Variants in MPRIP observed in about 807,000 individuals in gnomAD.
MPRIP encodes the protein myosin phosphatase Rho interacting protein.
Under a neutral mutation model 234.9 loss-of-function variants are expected in MPRIP, and 59 were observed. That is an observed-to-expected ratio of 0.25 (90% CI 0.20 to 0.31). The LOEUF (loss-of-function observed/expected upper bound fraction) is 0.31. Ranked by LOEUF, MPRIP falls within the 10% of genes least tolerant of loss-of-function variation. The probability of loss-of-function intolerance (pLI) is 1.00; values close to 1 mark genes in which losing one functional copy is unlikely to be tolerated. For missense variants in MPRIP, 2,436 were observed against 3,071.0 expected, an observed-to-expected ratio of 0.79 and a Z score of 4.89; for synonymous variants, 1,144 against 1,263.9, an observed-to-expected ratio of 0.91 and a Z score of 2.01.
intron 3 of MPRIP, among the ~76,000 whole-genome samples, chr17:17,117,903 G>A (rs1213112175): frequency 6.6e-6 from 1 of 152,240 alleles, no homozygotes; most frequent in Non-Finnish European, 1.5e-5. Flanking sequence ...GAGCTAGTGA[G>A]TGCAGAGCTA....
intron 3 of MPRIP, among the ~76,000 whole-genome samples, chr17:17,091,423 A>C (rs1279337713): frequency 6.6e-6 from 1 of 152,168 alleles, no homozygotes; most frequent in Non-Finnish European, 1.5e-5. Flanking sequence ...TCCGTGCAGC[A>C]TCCCTCCCTG....
At chr17:17,177,791 C>T (rs1597519617) in intron 22 of MPRIP, among the ~76,000 whole-genome samples, 1 of 152,118 alleles carries the variant, frequency 6.6e-6, no homozygotes, top group African/African-American at 2.4e-5. Context: ...GGAGGGAGCT[C>T]CCTGCTTTCT....
Position 17,084,288 on chromosome 17 carries a change from G to A in MPRIP, c.267+6212G>A, listed in dbSNP as rs536173414. Among the ~76,000 whole-genome samples, 14 of 152,368 alleles carry A rather than the reference G, an allele frequency of 9.2e-5. No homozygotes were observed. The South Asian group carries it at 2.5e-3, about 27-fold the overall frequency. On this transcript the variant is annotated intron_variant, in intron 3 of 23. Coordinates refer to ENST00000651222, the MANE Select transcript of MPRIP (RefSeq NM_001364716.4). ...CAGACTAAATCCCTAGCAGAACCAT[G>A]ATGTGTAGGCTCTTAAAGGCGGTGG...
In MPRIP at chr17:17,153,911, G is replaced by A. The variant is rs528235581; in HGVS notation, c.1720-395G>A. 2.6e-4 allele frequency among the ~76,000 whole-genome samples: 40 copies of A among 152,130 alleles called. No individual in the cohort carries two copies. In the East Asian group the frequency reaches 4.1e-3, roughly 16 times the overall value. ...CCACGCCCAACACACACGCCCTTCC[G>A]GATTCCCCACCTCCACCACTGCTCA... is the stretch of plus-strand genomic sequence containing the variant. On this transcript the variant is annotated intron_variant, in intron 12 of 23. Coordinates refer to ENST00000651222, the MANE Select transcript of MPRIP (RefSeq NM_001364716.4).
intron 12 of MPRIP, among the ~76,000 whole-genome samples, chr17:17,150,556 A>G (rs1005483678): frequency 6.6e-6 from 1 of 152,172 alleles, no homozygotes; most frequent in African/African-American, 2.4e-5. Context: ...GGTATGGGGA[A>G]TAAGAATGAA....
intron 23 of MPRIP, among the ~76,000 whole-genome samples, chr17:17,184,378 T>C (rs1177589518): frequency 6.6e-6 from 1 of 152,232 alleles, no homozygotes; most frequent in Non-Finnish European, 1.5e-5. Flanking sequence ...CCCATCCTGC[T>C]GGGGATTCCC....
intron 2 of MPRIP, among the ~76,000 whole-genome samples, chr17:17,076,715 A>G (rs1158200379): frequency 6.6e-6 from 1 of 152,120 alleles, no homozygotes; most frequent in Non-Finnish European, 1.5e-5. Flanking sequence ...TGCCACCCAG[A>G]CAGGAGAACT....
chr17:17,167,999 A>G lies in MPRIP; in HGVS notation c.6324+84A>G. On this transcript the variant is annotated intron_variant, in intron 16 of 23. Transcript: ENST00000651222. The surrounding 1 kb of genome is among the most constrained non-coding windows in gnomAD (Gnocchi z 5.9). ...GGGACGTCTGGCTCAGCTACCGTGC[A>G]GGCAGAATTGAGGGGATATGCTGCT... 5 of 1,096,622 alleles carry G rather than the reference A, an allele frequency of 4.6e-6. 1 individual carries two copies. Among genetic ancestry groups the G allele is most frequent in the South Asian group, 4.4e-5 (3 of 68,500 alleles). 67.9% of individuals were successfully genotyped at this position (1,096,622 alleles called of 1,614,324 possible). A position where few individuals can be genotyped will look rare whatever the true frequency, so the allele number is the denominator to read the frequency against.
chr17:17,168,345 C>A (rs754057527), intron 16 of MPRIP: 3 of 240,116 alleles, frequency 1.2e-5, no homozygotes, highest in Non-Finnish European at 2.5e-5. Context: ...CTCACAGCAA[C>A]ACCCCGGAGA....
At chr17:17,047,742 G>T (rs1193775722) in intron 1 of MPRIP, among the ~76,000 whole-genome samples, 2 of 152,134 alleles carry the variant, frequency 1.3e-5, no homozygotes, top group Non-Finnish European at 2.9e-5. Flanking sequence ...AGTAAACTTG[G>T]GGGATGGGGA....
At chr17:17,060,841 A>G (rs1042031071) in intron 1 of MPRIP, among the ~76,000 whole-genome samples, 4 of 152,186 alleles carry the variant, frequency 2.6e-5, no homozygotes, top group African/African-American at 9.7e-5. Flanking sequence ...TGAGGAAGGT[A>G]GTTTGGGTCC....
Position 17,148,330 on chromosome 17 carries a change from G to A in MPRIP, c.1629+943G>A, listed in dbSNP as rs139676142. ...CCTGAGGCCCTTTCAGGAGAGCAGT[G>A]GTGGTTAAAATAATTTGTAATATTA... On this transcript the variant is annotated intron_variant, in intron 11 of 23. Transcript: ENST00000651222. Among the ~76,000 whole-genome samples, 737 of 152,214 alleles carry A rather than the reference G, an allele frequency of 4.8e-3. 6 individuals are homozygous for A. The highest frequency in any genetic ancestry group is 0.017 in the African/African-American group (698 of 41,526).
At chr17:17,068,569 T>C (rs2089113247) in intron 1 of MPRIP, among the ~76,000 whole-genome samples, 1 of 151,988 alleles carries the variant, frequency 6.6e-6, no homozygotes, top group South Asian at 2.1e-4. Context: ...CTCACTCTGT[T>C]GCCCATGCTG....
chr17:17,112,418 C>T (rs1389834791), intron 3 of MPRIP, among the ~76,000 whole-genome samples: 1 of 152,248 alleles, frequency 6.6e-6, no homozygotes, highest in African/African-American at 2.4e-5. Context: ...CTGTGGCAGG[C>T]ACCATGTCTT....
At chr17:17,142,490 G>A (rs1233210794) in intron 7 of MPRIP, 137 bp from the exon 8 acceptor site, 15 of 984,522 alleles carry the variant, frequency 1.5e-5, no homozygotes, top group African/African-American at 8.1e-5. Context: ...AGCTGAGCAC[G>A]TGTCTAGACA....
At chr17:17,149,571 TAGAG>T (rs1467540946) in intron 11 of MPRIP, among the ~76,000 whole-genome samples, 2 of 151,976 alleles carry the variant, frequency 1.3e-5, no homozygotes, top group African/African-American at 2.4e-5. Flanking sequence ...AGACAGATGT[TAGAG>T]AGATTTGCAA....
intron 3 of MPRIP, among the ~76,000 whole-genome samples, chr17:17,079,989 G>A (rs915069694): frequency 3.9e-5 from 6 of 152,240 alleles, no homozygotes; most frequent in African/African-American, 1.4e-4. Flanking sequence ...GCAGAGGTGG[G>A]ACTGTGCCAG....
Position 17,176,796 on chromosome 17 carries a change from G to A in MPRIP, c.6957+284G>A, listed in dbSNP as rs186654112. On this transcript the variant is annotated intron_variant, in intron 21 of 23. Transcript: ENST00000651222. ...TCCAGAGAAAAGGCCTGTGAAGTGA[G>A]GCAAGGCTTGACTTCCATTTGAGCC... Among the ~76,000 whole-genome samples the A allele has an allele frequency of 1.3e-3, 193 of 152,352 alleles. 1 individual carries two copies. Among genetic ancestry groups the A allele is most frequent in the African/African-American group, 4.4e-3 (184 of 41,588 alleles).
At position 17,185,112 on chromosome 17, in the gene MPRIP, C is replaced by T. The variant is rs4283273; in HGVS notation, c.*218C>T. The T allele has an allele frequency of 0.12, 50,682 of 416,028 alleles. 4,552 individuals are homozygous for T. Among genetic ancestry groups the T allele is most frequent in the East Asian group, 0.32 (6,921 of 21,762 alleles). 25.8% of individuals were successfully genotyped at this position (416,028 alleles called of 1,614,324 possible). A position where few individuals can be genotyped will look rare whatever the true frequency, so the allele number is the denominator to read the frequency against. On this transcript the variant is annotated 3_prime_UTR_variant, in exon 24 of 24. Transcript: ENST00000651222. ...TGTTGTCTTCATCAAAGCTTTTTTC[C>T]GTGGTATTCTAAAATTAGGCCAGCA...
Sources: allele counts gnomAD v4.1 joint callset (sites outside exome capture counted in the v4.1 genomes callset), GRCh38; gene constraint gnomAD v4.1.1; non-coding constraint Gnocchi (gnomAD v3.1); transcripts MANE v1.5; gene names NCBI Gene and HGNC (gene_info 2026-07-23, HGNC 2026-07-21).